TNRC6A: variants seen among roughly 807,000 people sequenced by gnomAD.
The protein encoded by TNRC6A is trinucleotide repeat-containing gene 6A protein.
A neutral mutation model predicts 221.2 loss-of-function variants in TNRC6A; 44 were observed. The ratio of observed to expected loss-of-function variants is 0.20; its 90% CI spans 0.16 to 0.26. The LOEUF is 0.26. Among genes scored for constraint, TNRC6A ranks in the 10% least tolerant of loss-of-function variants. The pLI, the probability that TNRC6A is intolerant of heterozygous loss-of-function variation, is 1.00. For missense variants in TNRC6A, 2,199 were observed against 2,404.4 expected (o/e 0.91, Z 1.79); for synonymous variants, 847 against 838.5 (o/e 1.01, Z -0.18).
At chr16:24,658,819 T>G (rs2141896515) in intron 2 of TNRC6A, among the ~76,000 whole-genome samples, 1 of 152,160 alleles carries the variant, frequency 6.6e-6, no homozygotes, top group Non-Finnish European at 1.5e-5. Flanking sequence ...TTTTTCTTTT[T>G]TTTTGTTTTG....
At chr16:24,677,469 T>A (rs2055443322) in intron 2 of TNRC6A, among the ~76,000 whole-genome samples, 1 of 152,170 alleles carries the variant, frequency 6.6e-6, no homozygotes, top group Admixed American at 6.6e-5. Context: ...GGCCCCATGT[T>A]CATTTTTCTT....
chr16:24,805,329 A>G, intron 14 of TNRC6A, 178 bp downstream of exon 14: 1 of 1,059,556 alleles, frequency 9.4e-7, no homozygotes, highest in Non-Finnish European at 1.3e-6. Flanking sequence ...GGATAATTTA[A>G]ATCCAAAATT....
intron 2 of TNRC6A, among the ~76,000 whole-genome samples, chr16:24,707,093 G>A (rs1016980814): frequency 6.6e-6 from 1 of 151,834 alleles, no homozygotes; most frequent in Non-Finnish European, 1.5e-5. Flanking sequence ...TCTCCAGGGT[G>A]CAAGAGATCC....
chr16:24,705,333 ATTT>A (rs113333291), intron 2 of TNRC6A, among the ~76,000 whole-genome samples: 1 of 143,364 alleles, frequency 7.0e-6, no homozygotes. Flanking sequence ...TATTAGATGA[ATTT>A]TTTTTTTTTT....
At chr16:24,630,435 A>G (rs1901273415) in intron 1 of TNRC6A, among the ~76,000 whole-genome samples, 1 of 152,168 alleles carries the variant, frequency 6.6e-6, no homozygotes, top group South Asian at 2.1e-4. Flanking sequence ...AGGCAGAGGC[A>G]GGAGGATCAT....
Position 24,732,766 on chromosome 16 carries a change from A to G in TNRC6A, c.53+2466A>G, listed in dbSNP as rs192340756. Among the ~76,000 whole-genome samples, 10 of 152,088 alleles carry G rather than the reference A, an allele frequency of 6.6e-5. No individual in the cohort carries two copies. The East Asian group carries it at 1.9e-3, about 29-fold the overall frequency. On this transcript the variant is annotated intron_variant, in intron 2 of 24. Coordinates refer to ENST00000395799, the MANE Select transcript of TNRC6A (RefSeq NM_014494.4). ...CAGGATGTTCAGCATCCGCAGTAGC[A>G]CTCCCCGTCCAGTTGTGACAATCAC...
At chr16:24,682,839 A>G (rs921285794) in intron 2 of TNRC6A, among the ~76,000 whole-genome samples, 4 of 152,196 alleles carry the variant, frequency 2.6e-5, no homozygotes, top group Admixed American at 1.3e-4. Context: ...GGGAAGCCAG[A>G]AGACAAGGGA....
intron 1 of TNRC6A, among the ~76,000 whole-genome samples, chr16:24,623,186 T>TTTATTTATTTAC (rs1555479985): frequency 6.2e-5 from 8 of 129,008 alleles, no homozygotes; most frequent in African/African-American, 2.8e-4. Flanking sequence ...TATTTATTTA[T>TTTATTTATTTAC]TTATTTACTT....
In TNRC6A at chr16:24,790,045, G is replaced by T; in HGVS notation, c.1403G>T (p.Gly468Val). ...NFMTSSLPNS[G>V]SVQNNELPSS... ...ATGACCTCTAGTTTACCAAACTCCG[G>T]TTCAGTGCAGAATAATGAGCTGCCT... Residue 468 changes from glycine to valine, a missense_variant, in exon 6 of 25, where the codon GGT (glycine) becomes GTT (valine). Gly to Val is a moderately radical substitution (Grantham distance 109). Transcript: ENST00000395799. 1 of 1,614,186 alleles carries T rather than the reference G, an allele frequency of 6.2e-7. No homozygotes were observed. Among genetic ancestry groups the T allele is most frequent in the African/African-American group, 1.3e-5 (1 of 75,024 alleles).
At position 24,825,701 on chromosome 16, in the gene TNRC6A, T is replaced by C. The variant is rs1596858014; in HGVS notation, c.*1894T>C. ...GGGATCTTGTTGCTCAAAACTCTTC[T>C]GTGACTTCATCTTCCCCACCATTTG... On this transcript the variant is annotated 3_prime_UTR_variant, in exon 25 of 25. Transcript: ENST00000395799. 1 of 152,688 alleles carries C rather than the reference T, an allele frequency of 6.5e-6. No individual in the cohort carries two copies. The highest frequency in any genetic ancestry group is 2.4e-5 in the African/African-American group (1 of 41,472). The allele number at this position is 152,688 out of a possible 1,614,324, so 9.5% of individuals were successfully genotyped here.
At chr16:24,818,544 C>A in intron 20 of TNRC6A, 49 bp from the exon 21 acceptor site, 1 of 1,483,798 alleles carries the variant, frequency 6.7e-7, no homozygotes, top group Non-Finnish European at 9.4e-7. Context: ...TTTTTCTGAA[C>A]CTCCACGTCC....
chr16:24,789,857 G>T lies in TNRC6A; in HGVS notation c.1215G>T (p.Gln405His). The stretch of plus-strand genomic sequence containing the variant: ...CTATAGGCCAGATGCCTAACAATCA[G>T]AGTATTAACTCTAAAGTGAGTGGTG... Reference protein sequence around the residue: ...CSTIGQMPNNQSINSKVSGGS... With the variant: ...CSTIGQMPNNHSINSKVSGGS... The change falls in exon 6 of 25, where the codon CAG becomes CAT. Residue 405 changes from glutamine to histidine, a missense_variant. By Grantham distance (24) the Gln-to-His change is conservative. This residue lies in a region of TNRC6A where 1,405 missense variants were observed against 1,400.2 expected (regional missense o/e 1.00). Transcript: ENST00000395799. 6.2e-7 allele frequency: 1 copy of T among 1,614,170 alleles called. No individual in the cohort carries two copies. Among genetic ancestry groups the T allele is most frequent in the South Asian group, 1.1e-5 (1 of 91,070 alleles).
At chr16:24,657,352 A>G (rs529898362) in intron 2 of TNRC6A, among the ~76,000 whole-genome samples, 3 of 151,134 alleles carry the variant, frequency 2.0e-5, no homozygotes, top group African/African-American at 4.8e-5. Context: ...ACAAACAAAC[A>G]AAGAAACAAA....
intron 22 of TNRC6A, among the ~76,000 whole-genome samples, chr16:24,821,614 A>G (rs1391717777): frequency 2.0e-5 from 3 of 152,128 alleles, no homozygotes; most frequent in African/African-American, 4.8e-5. Flanking sequence ...TCCAGCAGGA[A>G]GGCCAGATGG....
chr16:24,766,090 G>A (rs2057465773), intron 4 of TNRC6A, among the ~76,000 whole-genome samples: 2 of 152,082 alleles, frequency 1.3e-5, no homozygotes. Flanking sequence ...TTTTTAAAGT[G>A]GTTAATCGGT....
At chr16:24,620,884 G>C (rs995725446) in intron 1 of TNRC6A, among the ~76,000 whole-genome samples, 4 of 151,898 alleles carry the variant, frequency 2.6e-5, no homozygotes, top group Admixed American at 2.6e-4. Flanking sequence ...AAGAGATCGA[G>C]ACCATCCTGG....
chr16:24,687,327 A>T (rs933189943), intron 2 of TNRC6A, among the ~76,000 whole-genome samples: 1 of 152,192 alleles, frequency 6.6e-6, no homozygotes, highest in Non-Finnish European at 1.5e-5. Context: ...AAGCCCAAGG[A>T]GGTGGAACTC....
rs752407150 is a variant in TNRC6A at position 24,790,254 on chromosome 16, A to G, written c.1612A>G (p.Asn538Asp). The G allele has an allele frequency of 1.7e-5, 28 of 1,614,094 alleles. No homozygotes were observed. Among genetic ancestry groups the G allele is most frequent in the Non-Finnish European group, 2.1e-5 (25 of 1,180,048 alleles). Residue 538 changes from asparagine (N) to aspartate (D), a missense_variant, in exon 6 of 25, where the codon AAT becomes GAT. Transcript: ENST00000395799. ...NYSGDKCSGP[N>D]GQANGDTVNA... The stretch of plus-strand genomic sequence containing the variant: ...CTCTGGAGACAAATGTTCAGGCCCT[A>G]ATGGCCAAGCTAATGGTGACACTGT...
At chr16:24,710,394 G>A (rs1596529883) in intron 2 of TNRC6A, among the ~76,000 whole-genome samples, 1 of 151,916 alleles carries the variant, frequency 6.6e-6, no homozygotes, top group African/African-American at 2.4e-5. Flanking sequence ...GATCACTGGA[G>A]CCCAGGAGTT....
Sources: gnomAD v4.1 joint callset for allele counts (sites outside exome capture counted in the v4.1 genomes callset) on GRCh38, gnomAD v4.1.1 for gene constraint, gnomAD v4.1.1 regional missense constraint, MANE v1.5 for transcripts, NCBI Gene and HGNC (gene_info 2026-07-23, HGNC 2026-07-21) for gene names.